Variants in NRG3 observed in about 807,000 individuals in gnomAD.
The protein encoded by NRG3 is pro-neuregulin-3, membrane-bound isoform.
NRG3 carries 31 observed loss-of-function variants against 66.9 expected under a neutral mutation model. The ratio of observed to expected loss-of-function variants is 0.46; its 90% CI spans 0.35 to 0.63. The LOEUF (loss-of-function observed/expected upper bound fraction) is 0.63, where lower values mean the gene tolerates loss of function less well. Among genes scored for constraint, NRG3 ranks in the 20% least tolerant of loss-of-function variants. The pLI is 0.00. For synonymous variants in NRG3, 393 were observed against 359.4 expected (o/e 1.09, Z -1.06); for missense variants, 910 against 878.9 (o/e 1.04, Z -0.45).
intron 2 of NRG3, among the ~76,000 whole-genome samples, chr10:82,375,025 A>G (rs1257075622): frequency 4.6e-5 from 7 of 152,186 alleles, no homozygotes; most frequent in East Asian, 1.9e-4. Context: ...ACAGGTTTCT[A>G]TTATAACAGG....
chr10:82,163,163 G>A (rs957661417), intron 1 of NRG3, among the ~76,000 whole-genome samples: 4 of 151,946 alleles, frequency 2.6e-5, no homozygotes, highest in East Asian at 1.9e-4. Flanking sequence ...CAAATTTACC[G>A]ACAGCTCTTT....
chr10:82,373,142 A>C (rs1349755230), intron 2 of NRG3, among the ~76,000 whole-genome samples: 1 of 152,212 alleles, frequency 6.6e-6, no homozygotes, highest in Non-Finnish European at 1.5e-5. Context: ...GTACCTTGTT[A>C]TGGGTCAGGC....
At chr10:82,794,641 G>T (rs1308602209) in intron 3 of NRG3, among the ~76,000 whole-genome samples, 4 of 152,168 alleles carry the variant, frequency 2.6e-5, no homozygotes, top group Non-Finnish European at 5.9e-5. Flanking sequence ...TAAGAGCTGG[G>T]CTTGGCTGCA....
At chr10:81,950,800 G>T (rs1640413527) in intron 1 of NRG3, among the ~76,000 whole-genome samples, 1 of 152,120 alleles carries the variant, frequency 6.6e-6, no homozygotes, top group Admixed American at 6.6e-5. Flanking sequence ...AACGCTTTAT[G>T]GAAAGAATGA....
At chr10:82,430,797 T>C (rs2089754249) in intron 2 of NRG3, among the ~76,000 whole-genome samples, 1 of 152,160 alleles carries the variant, frequency 6.6e-6, no homozygotes, top group Non-Finnish European at 1.5e-5. Flanking sequence ...TTGATTTCCT[T>C]CAATCACTTC....
chr10:82,688,781 A>G (rs183877371), intron 2 of NRG3, among the ~76,000 whole-genome samples: 3,303 of 150,712 alleles, frequency 0.022, 132 homozygotes, highest in African/African-American at 0.076. Context: ...AAAAAAAAAA[A>G]GAAAAGAAAA....
rs1247121663 is a variant in NRG3 at position 82,641,422 on chromosome 10, T to C, written c.954-97155T>C. 5.3e-5 allele frequency among the ~76,000 whole-genome samples: 8 copies of C among 152,304 alleles called. No individual in the cohort carries two copies. In the South Asian group the frequency reaches 1.4e-3, roughly 28 times the overall value. On this transcript the variant is annotated intron_variant, in intron 2 of 8. Coordinates refer to ENST00000372141, the MANE Select transcript of NRG3 (RefSeq NM_001010848.4). The stretch of plus-strand genomic sequence containing the variant: ...CAGACCACCCTTCCCACACTATTTA[T>C]GGGCTTGCAATGCTATTTTTTCACT...
chr10:82,396,645 C>A (rs1464148069), intron 2 of NRG3, among the ~76,000 whole-genome samples: 1 of 152,146 alleles, frequency 6.6e-6, no homozygotes, highest in African/African-American at 2.4e-5. Context: ...GATTTGTTGA[C>A]TGAAGAGCTA....
At chr10:82,369,367 T>C (rs1484620035) in intron 2 of NRG3, among the ~76,000 whole-genome samples, 1 of 138,608 alleles carries the variant, frequency 7.2e-6, no homozygotes, top group Non-Finnish European at 1.5e-5. Context: ...GGTACAGTCA[T>C]GGCTCACTGC....
intron 1 of NRG3, among the ~76,000 whole-genome samples, chr10:82,161,641 C>T (rs1291096025): frequency 2.0e-5 from 3 of 152,026 alleles, no homozygotes; most frequent in Admixed American, 6.6e-5. Flanking sequence ...GATTTCCAGT[C>T]CTGGTCTATC....
chr10:82,178,153 T>G (rs2073170015), intron 1 of NRG3, among the ~76,000 whole-genome samples: 1 of 151,992 alleles, frequency 6.6e-6, no homozygotes, highest in Non-Finnish European at 1.5e-5. Context: ...TAATGAAAAA[T>G]AAATTATTTT....
intron 1 of NRG3, among the ~76,000 whole-genome samples, chr10:81,985,565 A>T (rs1013473898): frequency 1.3e-5 from 2 of 152,240 alleles, no homozygotes; most frequent in Admixed American, 1.3e-4. Flanking sequence ...TAATTCCACG[A>T]GTGATTATTA....
chr10:82,279,368 T>C (rs2079016130), intron 1 of NRG3, among the ~76,000 whole-genome samples: 1 of 152,152 alleles, frequency 6.6e-6, no homozygotes, highest in African/African-American at 2.4e-5. Context: ...GCAATCCTTT[T>C]TTAAAGTTTA....
intron 1 of NRG3, among the ~76,000 whole-genome samples, chr10:81,897,478 C>CT (rs1843631431): frequency 6.6e-6 from 1 of 151,640 alleles, no homozygotes; most frequent in Non-Finnish European, 1.5e-5. Flanking sequence ...GGAAAGAGGA[C>CT]TTAGATTGAA....
chr10:82,632,004 A>C (rs1473475498), intron 2 of NRG3, among the ~76,000 whole-genome samples: 1 of 152,128 alleles, frequency 6.6e-6, no homozygotes, highest in African/African-American at 2.4e-5. Context: ...TGGGAGGCTG[A>C]GGCAGAAGAA....
At chr10:82,682,769 T>C (rs921667174) in intron 2 of NRG3, among the ~76,000 whole-genome samples, 2 of 152,096 alleles carry the variant, frequency 1.3e-5, no homozygotes, top group Non-Finnish European at 2.9e-5. Flanking sequence ...TTTAAATTTC[T>C]TACAAAACTC....
intron 2 of NRG3, among the ~76,000 whole-genome samples, chr10:82,415,757 G>A (rs2088510333): frequency 6.6e-6 from 1 of 152,076 alleles, no homozygotes; most frequent in Admixed American, 6.6e-5. Context: ...ATAATTGGTA[G>A]GACGTGAAAG....
At chr10:82,437,534 T>G (rs369753751) in intron 2 of NRG3, among the ~76,000 whole-genome samples, 52 of 152,240 alleles carry the variant, frequency 3.4e-4, no homozygotes, top group African/African-American at 1.2e-3. Context: ...AAAGCCTACT[T>G]CTGTCAATTC....
Position 82,167,482 on chromosome 10 carries a change from C to T in NRG3, c.824-191257C>T, listed in dbSNP as rs555080666. 8.6e-5 allele frequency among the ~76,000 whole-genome samples: 13 copies of T among 152,002 alleles called. 1 individual carries two copies. The South Asian group carries it at 2.7e-3, about 32-fold the overall frequency. On this transcript the variant is annotated intron_variant, in intron 1 of 8. Coordinates refer to ENST00000372141, the MANE Select transcript of NRG3 (RefSeq NM_001010848.4). Reference sequence around the variant, plus strand: ...GGGCAGGGTGATGGGAGTGTTCCACCCTGTAGAGAATTTTATAATAATTGC... The same window carrying T: ...GGGCAGGGTGATGGGAGTGTTCCACTCTGTAGAGAATTTTATAATAATTGC...
Sources: gnomAD v4.1 joint callset for allele counts (sites outside exome capture counted in the v4.1 genomes callset) on GRCh38, gnomAD v4.1.1 for gene constraint, MANE v1.5 for transcripts, NCBI Gene and HGNC (gene_info 2026-07-23, HGNC 2026-07-21) for gene names.